The following ARSG variants were observed in gnomAD, a reference collection of about 807,000 sequenced individuals.
ARSG encodes the protein ASG.
In ARSG, 37 loss-of-function variants were observed where a neutral mutation model predicts 50.5. That is an observed-to-expected ratio of 0.73 (90% CI 0.56 to 0.96). The LOEUF (loss-of-function observed/expected upper bound fraction) is 0.96, where lower values mean the gene tolerates loss of function less well. ARSG is among the 50% of genes least tolerant of loss of function. The pLI, the probability that ARSG is intolerant of heterozygous loss-of-function variation, is 0.00. For synonymous variants in ARSG, 225 were observed against 254.6 expected, an observed-to-expected ratio of 0.88 and a Z score of 1.11; for missense variants, 629 against 675.3, an observed-to-expected ratio of 0.93 and a Z score of 0.76.
Position 68,271,407 on chromosome 17 carries a change from C to T in ARSG, c.-552+11981C>T. 2 of 1,614,204 alleles carry T rather than the reference C, an allele frequency of 1.2e-6. No homozygotes were observed. The highest frequency in any genetic ancestry group is 2.7e-5 in the African/African-American group (2 of 75,054). On this transcript the variant is annotated intron_variant, in intron 1 of 11. Transcript: ENST00000448504. The surrounding 1 kb of genome is among the most constrained non-coding windows in gnomAD (Gnocchi z 5.3). The stretch of plus-strand genomic sequence containing the variant: ...CCAGTTCCAGGTTAGTGTGAGTAGG[C>T]ACATTTTTAGGTGAGGTAGTTAGTT...
At chr17:68,309,326 T>C (rs1020796281) in intron 2 of ARSG, among the ~76,000 whole-genome samples, 14 of 152,172 alleles carry the variant, frequency 9.2e-5, no homozygotes, top group Non-Finnish European at 1.9e-4. Flanking sequence ...GGGAGCCGGC[T>C]CTCGCCTTGG....
rs2082708031 is a variant in ARSG at position 68,420,544 on chromosome 17, C to A, written c.*81C>A. Reference sequence around the variant, plus strand: ...CCAAATTTCATTTTTACCCTCTTTACAAACACACGCTTTAGTTTAGTCTTG... The same window carrying A: ...CCAAATTTCATTTTTACCCTCTTTAAAAACACACGCTTTAGTTTAGTCTTG... On this transcript the variant is annotated 3_prime_UTR_variant, in exon 12 of 12. Transcript: ENST00000621439. 6.9e-7 allele frequency: 1 copy of A among 1,458,300 alleles called. No homozygotes were observed. The highest frequency in any genetic ancestry group is 9.5e-7 in the Non-Finnish European group (1 of 1,057,872). The allele number at this position is 1,458,300 out of a possible 1,614,324, so 90.3% of individuals were successfully genotyped here.
intron 1 of ARSG, chr17:68,282,921 C>T (rs1346243117): frequency 6.6e-6 from 1 of 150,834 alleles, no homozygotes; most frequent in Non-Finnish European, 1.5e-5. Flanking sequence ...GCACTCCAGC[C>T]CGGGTGACAG....
At chr17:68,433,533 T>G in the ARSG span, 1 of 1,613,882 alleles carries the variant, frequency 6.2e-7, no homozygotes, top group Non-Finnish European at 8.5e-7. Flanking sequence ...CGCAGAGGAA[T>G]TGTGAATCCA....
intron 7 of ARSG, among the ~76,000 whole-genome samples, chr17:68,369,315 G>A (rs759868354): frequency 2.0e-5 from 3 of 152,132 alleles, no homozygotes; most frequent in Non-Finnish European, 2.9e-5. Flanking sequence ...TGAGGCAGGC[G>A]GATCACCTGA....
intron 8 of ARSG, chr17:68,379,946 AT>A: frequency 1.2e-6 from 1 of 858,202 alleles, no homozygotes; most frequent in Non-Finnish European, 1.4e-6. Flanking sequence ...GCCCTGTGAG[AT>A]ACGTACAACT....
intron 1 of ARSG, among the ~76,000 whole-genome samples, chr17:68,265,156 G>GAAA (rs369928777): frequency 5.4e-5 from 4 of 73,660 alleles, no homozygotes; most frequent in Non-Finnish European, 1.1e-4. Flanking sequence ...CTCCATCTCA[G>GAAA]AAAAAAAAAA....
intron 1 of ARSG, among the ~76,000 whole-genome samples, chr17:68,298,444 A>G (rs2076286541): frequency 6.6e-6 from 1 of 151,868 alleles, no homozygotes; most frequent in African/African-American, 2.4e-5. Flanking sequence ...AAAATATAAA[A>G]ATTAGCTGGG....
intron 2 of ARSG, among the ~76,000 whole-genome samples, chr17:68,309,320 G>A (rs1420671844): frequency 1.3e-5 from 2 of 152,254 alleles, no homozygotes; most frequent in East Asian, 1.9e-4. Context: ...AGCCGAGGGA[G>A]CCGGCTCTCG....
intron 3 of ARSG, 93 bp from the exon 4 acceptor site, chr17:68,347,032 C>A: frequency 1.3e-6 from 2 of 1,577,428 alleles, no homozygotes; most frequent in Non-Finnish European, 8.7e-7. Context: ...CGAGGCGAAG[C>A]TAATGGAGAG....
At chr17:68,344,570 G>A (rs929134938) in intron 3 of ARSG, among the ~76,000 whole-genome samples, 3 of 152,232 alleles carry the variant, frequency 2.0e-5, no homozygotes, top group South Asian at 2.1e-4. Context: ...GTTTCAGGCC[G>A]GTGAAGAGAA....
At chr17:68,391,900 A>C (rs1333808450) in intron 9 of ARSG, among the ~76,000 whole-genome samples, 1 of 152,208 alleles carries the variant, frequency 6.6e-6, no homozygotes, top group Non-Finnish European at 1.5e-5. Flanking sequence ...AACATTCTGC[A>C]CTGTAGTCAA....
At chr17:68,417,022 A>AT (rs1385135264) in intron 11 of ARSG, among the ~76,000 whole-genome samples, 3 of 151,984 alleles carry the variant, frequency 2.0e-5, no homozygotes, top group Non-Finnish European at 2.9e-5. Context: ...AGCTAGTGTG[A>AT]TTTTTTGGGG....
At chr17:68,444,951 C>T in the ARSG span, among the ~76,000 whole-genome samples, 3 of 126,496 alleles carry the variant, frequency 2.4e-5, no homozygotes, top group East Asian at 5.1e-4. Flanking sequence ...GAAGGAGTCT[C>T]ACTCTGTCAC....
intron 2 of ARSG, among the ~76,000 whole-genome samples, chr17:68,320,087 G>C (rs2077220147): frequency 6.6e-6 from 1 of 152,140 alleles, no homozygotes. Context: ...AGGAGTTCGA[G>C]ACCAGCCTGG....
chr17:68,400,370 C>T (rs1440507546), intron 10 of ARSG: 3 of 152,246 alleles, frequency 2.0e-5, no homozygotes, highest in East Asian at 1.9e-4. Flanking sequence ...CAAATATAGT[C>T]GGATTGAGTC....
intron 2 of ARSG, among the ~76,000 whole-genome samples, chr17:68,309,256 C>T (rs1398288952): frequency 6.6e-6 from 1 of 152,242 alleles, no homozygotes. Flanking sequence ...GGCCCACAAG[C>T]GCAGCACGCA....
intron 2 of ARSG, among the ~76,000 whole-genome samples, chr17:68,316,641 T>C (rs112887066): frequency 1.7e-3 from 261 of 152,316 alleles, no homozygotes; most frequent in African/African-American, 5.9e-3. Flanking sequence ...TTAGTATGCT[T>C]ATCTCTGCAA....
At chr17:68,365,139 A>G (rs1424197979) in intron 6 of ARSG, among the ~76,000 whole-genome samples, 1 of 152,146 alleles carries the variant, frequency 6.6e-6, no homozygotes, top group African/African-American at 2.4e-5. Flanking sequence ...GCAAAACCTC[A>G]TCTCTACTAA....
Sources: allele counts gnomAD v4.1 joint callset (sites outside exome capture counted in the v4.1 genomes callset), GRCh38; gene constraint gnomAD v4.1.1; non-coding constraint Gnocchi (gnomAD v3.1); transcripts MANE v1.5; gene names NCBI Gene and HGNC (gene_info 2026-07-23, HGNC 2026-07-21).